MIS18A: variants seen among roughly 807,000 people sequenced by gnomAD.
MIS18A encodes the protein MIS18 kinetochore protein A, also known as protein Mis18-alpha.
MIS18A carries 14 observed loss-of-function variants against 25.0 expected under a neutral mutation model. The ratio of observed to expected loss-of-function variants is 0.56; its 90% CI spans 0.37 to 0.88. The LOEUF (loss-of-function observed/expected upper bound fraction) is 0.88. Ranked by LOEUF, MIS18A falls within the 40% of genes least tolerant of loss-of-function variation. The pLI, the probability that MIS18A is intolerant of heterozygous loss-of-function variation, is 0.00. For missense variants in MIS18A, 292 were observed against 290.8 expected, an observed-to-expected ratio of 1.00 and a Z score of -0.03; for synonymous variants, 134 against 118.6, an observed-to-expected ratio of 1.13 and a Z score of -0.84.
At chr21:32,207,145 C>T in the MIS18A span, among the ~76,000 whole-genome samples, 1 of 152,136 alleles carries the variant, frequency 6.6e-6, no homozygotes, top group Non-Finnish European at 1.5e-5. Flanking sequence ...CAGGAAATTA[C>T]CAGAATACGA....
chr21:32,197,160 T>C, the MIS18A span, among the ~76,000 whole-genome samples: 130 of 152,346 alleles, frequency 8.5e-4, 1 homozygote, highest in Middle Eastern at 6.8e-3. Flanking sequence ...AGTTCTGAAG[T>C]TCAGTTCCGA....
At chr21:32,222,791 TGTG>T in the MIS18A span, among the ~76,000 whole-genome samples, 3 of 151,364 alleles carry the variant, frequency 2.0e-5, no homozygotes, top group East Asian at 5.8e-4. Flanking sequence ...ATTAGCCAGG[TGTG>T]GTGGTGGGCA....
chr21:32,204,139 G>C, the MIS18A span, among the ~76,000 whole-genome samples: 13 of 152,142 alleles, frequency 8.5e-5, no homozygotes, highest in Non-Finnish European at 1.6e-4. Flanking sequence ...CAGACATATT[G>C]CACATTTGTA....
At chr21:32,215,031 G>A in the MIS18A span, among the ~76,000 whole-genome samples, 7 of 152,202 alleles carry the variant, frequency 4.6e-5, no homozygotes, top group South Asian at 2.1e-4. Context: ...GCAATGGGAC[G>A]GGGACATAAG....
chr21:32,267,939 C>A (rs2031634919), downstream of MIS18A, among the ~76,000 whole-genome samples: 1 of 152,218 alleles, frequency 6.6e-6, no homozygotes, highest in East Asian at 1.9e-4. Flanking sequence ...AAGAATCCTG[C>A]ATGATCCAGT....
the MIS18A span, among the ~76,000 whole-genome samples, chr21:32,262,393 T>C: frequency 6.6e-6 from 1 of 152,192 alleles, no homozygotes; most frequent in African/African-American, 2.4e-5. Flanking sequence ...GTTTGGAAAA[T>C]GTTATGCAAT....
chr21:32,260,086 T>TTTTTTTTTTTTTC, the MIS18A span: 8 of 148,896 alleles, frequency 5.4e-5, no homozygotes, highest in African/African-American at 1.8e-4. Context: ...TTTCTCAGCT[T>TTTTTTTTTTTTTC]TTTTTTTTTC....
chr21:32,195,745 C>A, the MIS18A span, among the ~76,000 whole-genome samples: 60 of 152,264 alleles, frequency 3.9e-4, no homozygotes, highest in African/African-American at 1.4e-3. Context: ...CTGGGCAAGG[C>A]ACAGTGGCTC....
At chr21:32,270,249 AAGG>A (rs1024494690) in intron 3 of MIS18A, among the ~76,000 whole-genome samples, 155 bp downstream of exon 3, 23 of 125,342 alleles carry the variant, frequency 1.8e-4, no homozygotes, top group African/African-American at 7.8e-4. Flanking sequence ...CCAAATAAAG[AAGG>A]AGGTCAAAGC....
chr21:32,158,573 CA>C, the MIS18A span, among the ~76,000 whole-genome samples: 57 of 151,832 alleles, frequency 3.8e-4, no homozygotes, highest in Admixed American at 8.5e-4. Flanking sequence ...CTCCTGAGTT[CA>C]AGTGATTCTC....
the MIS18A span, among the ~76,000 whole-genome samples, chr21:32,158,344 A>G: frequency 4.1e-3 from 632 of 152,304 alleles, 3 homozygotes; most frequent in Middle Eastern, 0.014. Context: ...GAATTTAAAA[A>G]TTTTTAAACT....
At chr21:32,252,243 AGGAGGAGGAGGAGG>A in the MIS18A span, among the ~76,000 whole-genome samples, 2 of 48,064 alleles carry the variant, frequency 4.2e-5, no homozygotes, top group Non-Finnish European at 9.2e-5. Flanking sequence ...AAGAAGAAGG[AGGAGGAGGAGGAGG>A]AGGAGGAGGA....
At chr21:32,273,323 C>A (rs1401171858) in intron 2 of MIS18A, among the ~76,000 whole-genome samples, 1 of 151,956 alleles carries the variant, frequency 6.6e-6, no homozygotes, top group African/African-American at 2.4e-5. Flanking sequence ...ATCTCTAGCC[C>A]CTCTGCCCTC....
the MIS18A span, among the ~76,000 whole-genome samples, chr21:32,247,093 T>C: frequency 6.6e-6 from 1 of 152,218 alleles, no homozygotes; most frequent in East Asian, 1.9e-4. Flanking sequence ...CCCTTCACTT[T>C]GGCGCTCTGT....
At chr21:32,269,534 G>A (rs904402599) in intron 4 of MIS18A, 173 bp downstream of exon 4, 9 of 546,842 alleles carry the variant, frequency 1.6e-5, no homozygotes, top group African/African-American at 5.8e-5. Flanking sequence ...TGTTGATTAA[G>A]CTTTAGCTTT....
At chr21:32,237,229 C>A in the MIS18A span, among the ~76,000 whole-genome samples, 1 of 152,188 alleles carries the variant, frequency 6.6e-6, no homozygotes, top group African/African-American at 2.4e-5. Flanking sequence ...AGCCTTGGAA[C>A]TGCAGATGAT....
At chr21:32,244,491 T>C in the MIS18A span, among the ~76,000 whole-genome samples, 1 of 152,072 alleles carries the variant, frequency 6.6e-6, no homozygotes, top group Admixed American at 6.6e-5. Context: ...AATCACAACA[T>C]TTTGGGAGGC....
At chr21:32,181,298 C>T in the MIS18A span, among the ~76,000 whole-genome samples, 1 of 152,272 alleles carries the variant, frequency 6.6e-6, no homozygotes, top group Non-Finnish European at 1.5e-5. Flanking sequence ...CCCTGGCTTT[C>T]CTGGGTCTCC....
At chr21:32,270,572 C>A in intron 2 of MIS18A, 43 bp from the exon 3 acceptor site, 1 of 1,478,670 alleles carries the variant, frequency 6.8e-7, no homozygotes. Flanking sequence ...GAAGCAGCAA[C>A]TCATTATAAT....
Sources: allele counts gnomAD v4.1 joint callset (sites outside exome capture counted in the v4.1 genomes callset), GRCh38; gene constraint gnomAD v4.1.1; transcripts MANE v1.5; gene names NCBI Gene and HGNC (gene_info 2026-07-23, HGNC 2026-07-21).